ERC1: variants seen among roughly 807,000 people sequenced by gnomAD.
The protein encoded by ERC1 is ELKS/RAB6-interacting/CAST family member 1.
A neutral mutation model predicts 132.0 loss-of-function variants in ERC1; 56 were observed. The observed-to-expected ratio is 0.42, with a 90% confidence interval of 0.34 to 0.53. The LOEUF (loss-of-function observed/expected upper bound fraction) is 0.53. Ranked by LOEUF, ERC1 falls within the 20% of genes least tolerant of loss-of-function variation. ERC1 has a pLI of 0.03. For missense variants in ERC1, 1,202 were observed against 1,349.9 expected (o/e 0.89, Z 1.72); for synonymous variants, 478 against 476.1 (o/e 1.00, Z -0.05).
chr12:1,213,859 A>G (rs11830908), intron 12 of ERC1, among the ~76,000 whole-genome samples: 53,811 of 151,662 alleles, frequency 0.35, 10,668 homozygotes, highest in African/African-American at 0.53. Flanking sequence ...AGCCGAGATC[A>G]CGCCACTGCA....
At chr12:1,433,587 G>A (rs1043659935) in intron 17 of ERC1, among the ~76,000 whole-genome samples, 1 of 152,212 alleles carries the variant, frequency 6.6e-6, no homozygotes, top group Non-Finnish European at 1.5e-5. Context: ...GGGAAATGAT[G>A]TGTGGATGGT....
At chr12:1,127,910 C>T (rs1204220270) in intron 7 of ERC1, among the ~76,000 whole-genome samples, 3 of 152,116 alleles carry the variant, frequency 2.0e-5, no homozygotes, top group Non-Finnish European at 4.4e-5. Flanking sequence ...GCCAAGACCT[C>T]CGCATAAATC....
chr12:1,480,998 T>C (rs2094079794), intron 18 of ERC1: 1 of 674,532 alleles, frequency 1.5e-6, no homozygotes, highest in Non-Finnish European at 2.7e-6. Flanking sequence ...CTGAAGCCTA[T>C]AGATGCTGTT....
chr12:1,158,437 A>G (rs569552107), intron 8 of ERC1, among the ~76,000 whole-genome samples: 1 of 148,186 alleles, frequency 6.7e-6, no homozygotes, highest in Non-Finnish European at 1.5e-5. Context: ...TGTTTTATTT[A>G]TTTTTTTTTT....
At chr12:1,239,095 A>G (rs1253686224) in intron 13 of ERC1, among the ~76,000 whole-genome samples, 2 of 152,164 alleles carry the variant, frequency 1.3e-5, no homozygotes, top group Non-Finnish European at 2.9e-5. Context: ...ACTTAAGTAT[A>G]TTTCTGTTTG....
intron 15 of ERC1, among the ~76,000 whole-genome samples, chr12:1,304,888 G>C (rs11609402): frequency 0.41 from 59,530 of 144,036 alleles, 12,662 homozygotes; most frequent in Middle Eastern, 0.55. Flanking sequence ...CTCCCGGGTT[G>C]ACGCCATTCT....
intron 15 of ERC1, among the ~76,000 whole-genome samples, chr12:1,366,560 A>G (rs1010993898): frequency 5.9e-5 from 9 of 152,224 alleles, no homozygotes; most frequent in African/African-American, 2.2e-4. Flanking sequence ...GAAGACAGTA[A>G]GGAAGAAATG....
At chr12:1,190,380 TAATGATCA>T (rs1955595831) in intron 12 of ERC1, among the ~76,000 whole-genome samples, 1 of 152,222 alleles carries the variant, frequency 6.6e-6, no homozygotes, top group Non-Finnish European at 1.5e-5. Flanking sequence ...TTTCTCTATA[TAATGATCA>T]AATGATCCTC....
At chr12:1,041,680 T>C (rs895784473) in intron 2 of ERC1, among the ~76,000 whole-genome samples, 1 of 152,224 alleles carries the variant, frequency 6.6e-6, no homozygotes, top group Non-Finnish European at 1.5e-5. Context: ...GACATCAACA[T>C]GGATTAACAA....
chr12:1,174,528 AAAG>A (rs1464407622), intron 8 of ERC1, among the ~76,000 whole-genome samples: 1 of 152,262 alleles, frequency 6.6e-6, no homozygotes, highest in Non-Finnish European at 1.5e-5. Flanking sequence ...GTTTACTAGC[AAAG>A]AATAATGGAT....
At chr12:1,263,198 G>T (rs2077252497) in intron 14 of ERC1, 33 bp downstream of exon 14, 3 of 1,608,968 alleles carry the variant, frequency 1.9e-6, no homozygotes, top group Non-Finnish European at 1.7e-6. Flanking sequence ...AAGCAATGCT[G>T]CTGGTTAACC....
rs57315267 is a variant in ERC1 at position 1,493,544 on chromosome 12, A to ATATATATATATATATATATATATAT, written c.*3314_*3315insTATATATATATATATATATATATAT. 2 of 22,520 alleles carry ATATATATATATATATATATATATAT rather than the reference A, an allele frequency of 8.9e-5. No individual in the cohort carries two copies. Among genetic ancestry groups the ATATATATATATATATATATATATAT allele is most frequent in the African/African-American group, 1.2e-4 (1 of 8,056 alleles). The allele number at this position is 22,520 out of a possible 1,614,324, so 1.4% of individuals were successfully genotyped here. A position where few individuals can be genotyped will look rare whatever the true frequency, so the allele number is the denominator to read the frequency against. The stretch of plus-strand genomic sequence containing the variant: ...AGAGACTCCATTTAAAAAAAAAAAA[A>ATATATATATATATATATATATATAT]AAAAATATATATATATATATATATA... On this transcript the variant is annotated 3_prime_UTR_variant, in exon 19 of 19. Transcript: ENST00000360905.
intron 16 of ERC1, among the ~76,000 whole-genome samples, chr12:1,392,125 C>T (rs2154382915): frequency 6.6e-6 from 1 of 152,104 alleles, no homozygotes; most frequent in Admixed American, 6.5e-5. Flanking sequence ...ACTCAGAATA[C>T]ACAAGGACCA....
chr12:1,167,375 G>A (rs957405266), intron 8 of ERC1, among the ~76,000 whole-genome samples: 5 of 152,234 alleles, frequency 3.3e-5, no homozygotes, highest in African/African-American at 1.2e-4. Context: ...GGGAATGGCT[G>A]TTTGGTTAGA....
At chr12:1,135,413 T>A (rs898185320) in intron 7 of ERC1, among the ~76,000 whole-genome samples, 1 of 152,184 alleles carries the variant, frequency 6.6e-6, no homozygotes, top group Non-Finnish European at 1.5e-5. Flanking sequence ...GATCTATGAA[T>A]TTGAAAAGAA....
At chr12:1,229,586 A>G (rs896966464) in intron 12 of ERC1, among the ~76,000 whole-genome samples, 1 of 152,140 alleles carries the variant, frequency 6.6e-6, no homozygotes, top group African/African-American at 2.4e-5. Context: ...CATTTCTTCT[A>G]GGTTATCCAA....
chr12:1,436,150 A>G (rs931947971), intron 17 of ERC1, among the ~76,000 whole-genome samples: 4 of 138,698 alleles, frequency 2.9e-5, no homozygotes, highest in African/African-American at 1.4e-4. Flanking sequence ...ATGTACAGAC[A>G]GACGGACACA....
chr12:1,441,194 G>A (rs977233161), intron 17 of ERC1, among the ~76,000 whole-genome samples: 5 of 151,992 alleles, frequency 3.3e-5, no homozygotes, highest in Non-Finnish European at 7.4e-5. Flanking sequence ...AAGTAGCTGG[G>A]ATTACAGGCA....
intron 1 of ERC1, among the ~76,000 whole-genome samples, chr12:1,004,658 G>A (rs557914951): frequency 3.2e-4 from 49 of 151,558 alleles, no homozygotes; most frequent in African/African-American, 1.2e-3. Flanking sequence ...AACCGCCTTG[G>A]CCCCCCAAAG....
Sources: gnomAD v4.1 joint callset for allele counts (sites outside exome capture counted in the v4.1 genomes callset) on GRCh38, gnomAD v4.1.1 for gene constraint, MANE v1.5 for transcripts, NCBI Gene and HGNC (gene_info 2026-07-23, HGNC 2026-07-21) for gene names.